WWOX: variants seen among roughly 807,000 people sequenced by gnomAD.
WWOX encodes the protein WW domain-containing oxidoreductase.
In WWOX, 69 loss-of-function variants were observed where a neutral mutation model predicts 46.2. The observed-to-expected ratio is 1.49, with a 90% CI of 1.23 to 1.82. The LOEUF (loss-of-function observed/expected upper bound fraction) is 1.82. Ranked by LOEUF, WWOX falls within the 40% of genes most tolerant of loss-of-function variation. WWOX has a pLI of 0.00. For synonymous variants in WWOX, 359 were observed against 202.6 expected (o/e 1.77, Z -6.56); for missense variants, 919 against 542.6 (o/e 1.69, Z -6.89).
intron 5 of WWOX, among the ~76,000 whole-genome samples, chr16:78,333,739 A>C (rs922657485): frequency 6.6e-6 from 1 of 152,240 alleles, no homozygotes; most frequent in Non-Finnish European, 1.5e-5. Flanking sequence ...TAAAATTTCA[A>C]ATGGTTCCTC....
intron 8 of WWOX, among the ~76,000 whole-genome samples, chr16:79,066,488 G>A (rs551343452): frequency 1.3e-5 from 2 of 152,222 alleles, no homozygotes; most frequent in South Asian, 4.1e-4. Context: ...AAGGACAGAA[G>A]GAAGGAAGGG....
Position 78,574,999 on chromosome 16 carries a change from T to TTATATATATATATATATATATATAAA in WWOX, c.1056+142269_1056+142270insTAAATATATATATATATATATATATA, listed in dbSNP as rs1274999113. 3.5e-4 allele frequency among the ~76,000 whole-genome samples: 13 copies of TTATATATATATATATATATATATAAA among 37,036 alleles called. 3 individuals are homozygous for TTATATATATATATATATATATATAAA. Among genetic ancestry groups the TTATATATATATATATATATATATAAA allele is most frequent in the Admixed American group, 1.4e-3 (3 of 2,192 alleles). 24.3% of individuals were successfully genotyped at this position (37,036 alleles called of 152,430 possible). A position where few individuals can be genotyped will look rare whatever the true frequency, so the allele number is the denominator to read the frequency against. On this transcript the variant is annotated intron_variant, in intron 8 of 8. Transcript: ENST00000566780. ...AATATATTCAATATTTATTTTTCAATTATATATATATATATATATATAAAT... is the reference window on the plus strand; with the variant it reads ...AATATATTCAATATTTATTTTTCAATTATATATATATATATATATATATAAATATATATATATATATATATATAAAT...
chr16:78,141,871 T>A (rs2034000670), intron 4 of WWOX, among the ~76,000 whole-genome samples: 1 of 152,020 alleles, frequency 6.6e-6, no homozygotes, highest in Non-Finnish European at 1.5e-5. Context: ...GGAAAAAAAA[T>A]TCAGTTACTG....
At chr16:78,156,993 C>G (rs1179603214) in intron 4 of WWOX, among the ~76,000 whole-genome samples, 2 of 152,136 alleles carry the variant, frequency 1.3e-5, no homozygotes, top group Non-Finnish European at 2.9e-5. Flanking sequence ...TATATCGATG[C>G]TTTCTCAATC....
At chr16:78,821,525 G>T (rs886201673) in intron 8 of WWOX, among the ~76,000 whole-genome samples, 1 of 152,198 alleles carries the variant, frequency 6.6e-6, no homozygotes, top group Non-Finnish European at 1.5e-5. Context: ...CAGAGTGTTT[G>T]CAGTTCCTAG....
intron 8 of WWOX, chr16:78,899,164 A>C (rs1331364447): frequency 1.3e-5 from 2 of 152,128 alleles, no homozygotes; most frequent in African/African-American, 2.4e-5. Flanking sequence ...TGCTTTATTC[A>C]GGACTTCTCT....
At chr16:78,370,809 T>C (rs1429217120) in intron 5 of WWOX, among the ~76,000 whole-genome samples, 1 of 148,240 alleles carries the variant, frequency 6.7e-6, no homozygotes, top group Non-Finnish European at 1.5e-5. Flanking sequence ...GGGCAATGCA[T>C]TCTTAACCCC....
chr16:78,578,280 A>ATTTTTTTTTTT (rs1433554555), intron 8 of WWOX, among the ~76,000 whole-genome samples: 10 of 35,410 alleles, frequency 2.8e-4, no homozygotes, highest in African/African-American at 9.8e-4. Context: ...ATATATATAT[A>ATTTTTTTTTTT]TATATTTTTT....
intron 8 of WWOX, among the ~76,000 whole-genome samples, chr16:79,058,233 GTGATGGTGGGCAACTTTCTTTGCATCTC>G (rs1403094950): frequency 2.6e-5 from 4 of 151,976 alleles, no homozygotes; most frequent in Non-Finnish European, 4.4e-5. Flanking sequence ...TCCAAGATGT[GTGATGGTGGGCAACTTTCTTTGCATCTC>G]TGAGCCTCTA....
chr16:78,870,198 TCTG>T (rs1362256209), intron 8 of WWOX, among the ~76,000 whole-genome samples: 1 of 152,230 alleles, frequency 6.6e-6, no homozygotes, highest in African/African-American at 2.4e-5. Flanking sequence ...TGGCAGGTAA[TCTG>T]CTTCCTCAAG....
intron 6 of WWOX, among the ~76,000 whole-genome samples, chr16:78,390,757 C>T (rs2082158715): frequency 6.6e-6 from 1 of 152,136 alleles, no homozygotes; most frequent in Admixed American, 6.5e-5. Context: ...CTTATCACCC[C>T]CCATCTTCAG....
At chr16:79,097,723 T>C (rs553537793) in intron 8 of WWOX, among the ~76,000 whole-genome samples, 1 of 152,208 alleles carries the variant, frequency 6.6e-6, no homozygotes, top group South Asian at 2.1e-4. Flanking sequence ...AAAGGATACT[T>C]TCTGTCTTTT....
At chr16:78,980,303 T>C (rs773900140) in intron 8 of WWOX, among the ~76,000 whole-genome samples, 5 of 152,238 alleles carry the variant, frequency 3.3e-5, no homozygotes, top group African/African-American at 4.8e-5. Flanking sequence ...TTGCCAAAGA[T>C]GGCTCTTTGC....
intron 4 of WWOX, among the ~76,000 whole-genome samples, chr16:78,144,460 TATACAC>T (rs2034107831): frequency 6.0e-5 from 2 of 33,360 alleles, no homozygotes; most frequent in African/African-American, 2.4e-4. Flanking sequence ...CATATATATA[TATACAC>T]ACATATATAT....
chr16:78,607,612 G>T (rs1050319566), intron 8 of WWOX, among the ~76,000 whole-genome samples: 2 of 151,632 alleles, frequency 1.3e-5, no homozygotes, highest in East Asian at 1.9e-4. Flanking sequence ...GAGGCATTCA[G>T]CTGGCGTAAG....
chr16:78,997,323 A>G (rs1319621549), intron 8 of WWOX, among the ~76,000 whole-genome samples: 1 of 152,200 alleles, frequency 6.6e-6, no homozygotes, highest in Non-Finnish European at 1.5e-5. Flanking sequence ...AGCTTTGGAA[A>G]TAACGTACCT....
chr16:79,156,337 A>G (rs2050381225), intron 8 of WWOX, among the ~76,000 whole-genome samples: 1 of 152,142 alleles, frequency 6.6e-6, no homozygotes, highest in African/African-American at 2.4e-5. Flanking sequence ...ATTTTTGTGC[A>G]TTTTGTAGAG....
chr16:78,457,021 G>A (rs2083835196), intron 8 of WWOX, among the ~76,000 whole-genome samples: 1 of 152,184 alleles, frequency 6.6e-6, no homozygotes, highest in Non-Finnish European at 1.5e-5. Context: ...CTACTGGCAG[G>A]ATGGTTAATT....
intron 8 of WWOX, among the ~76,000 whole-genome samples, chr16:78,725,302 C>G (rs1444788867): frequency 1.3e-5 from 2 of 148,876 alleles, no homozygotes; most frequent in African/African-American, 4.9e-5. Flanking sequence ...TACCCAGTCT[C>G]AGGTATGTCT....
Sources: allele counts gnomAD v4.1 joint callset (sites outside exome capture counted in the v4.1 genomes callset), GRCh38; gene constraint gnomAD v4.1.1; transcripts MANE v1.5; gene names NCBI Gene and HGNC (gene_info 2026-07-23, HGNC 2026-07-21).